The following ZNF804B variants were observed in gnomAD, a reference collection of about 807,000 sequenced individuals.
ZNF804B encodes zinc finger 804B.
In ZNF804B, 80 loss-of-function variants were observed where a neutral mutation model predicts 101.4. The observed-to-expected ratio is 0.79, with a 90% CI of 0.66 to 0.95. The LOEUF is 0.95. Among genes scored for constraint, ZNF804B ranks in the 40% least tolerant of loss-of-function variants. The pLI is 0.00. For synonymous variants in ZNF804B, 622 were observed against 558.8 expected, an observed-to-expected ratio of 1.11 and a Z score of -1.59; for missense variants, 1,673 against 1,561.9, an observed-to-expected ratio of 1.07 and a Z score of -1.20.
intron 1 of ZNF804B, among the ~76,000 whole-genome samples, chr7:89,061,614 G>C (rs552352718): frequency 6.6e-6 from 1 of 152,022 alleles, no homozygotes; most frequent in South Asian, 2.1e-4. Context: ...AGTTCTAACC[G>C]TGTCATATCC....
At chr7:89,151,478 C>T (rs1305040791) in intron 1 of ZNF804B, among the ~76,000 whole-genome samples, 1 of 151,988 alleles carries the variant, frequency 6.6e-6, no homozygotes, top group Non-Finnish European at 1.5e-5. Context: ...ACTTAATCAT[C>T]AACGTAGAAT....
chr7:88,977,920 G>GTTT (rs2116126012), intron 1 of ZNF804B, among the ~76,000 whole-genome samples: 1 of 150,988 alleles, frequency 6.6e-6, no homozygotes, highest in South Asian at 2.1e-4. Context: ...TAGATTTTGT[G>GTTT]TGTTGTGTTT....
intron 1 of ZNF804B, among the ~76,000 whole-genome samples, chr7:89,096,077 CCCAG>C (rs1434080503): frequency 6.6e-6 from 1 of 151,008 alleles, no homozygotes; most frequent in African/African-American, 2.4e-5. Context: ...ATGGCGTGAA[CCCAG>C]GAGGCGGAGC....
At chr7:89,155,992 C>CTTCT (rs139417272) in intron 1 of ZNF804B, among the ~76,000 whole-genome samples, 19,482 of 130,736 alleles carry the variant, frequency 0.15, 2,139 homozygotes, top group East Asian at 0.55. Flanking sequence ...CCTTCCTTTC[C>CTTCT]TTCTTTCTTT....
At chr7:89,007,706 T>C (rs1584068293) in intron 1 of ZNF804B, among the ~76,000 whole-genome samples, 1 of 149,610 alleles carries the variant, frequency 6.7e-6, no homozygotes, top group Middle Eastern at 3.6e-3. Flanking sequence ...CTGTCTTATG[T>C]TGACAGCATG....
intron 1 of ZNF804B, among the ~76,000 whole-genome samples, chr7:88,954,081 T>A (rs17374213): frequency 0.097 from 14,795 of 151,756 alleles, 902 homozygotes; most frequent in South Asian, 0.17. Flanking sequence ...CATTTGAAAG[T>A]TTGACTGATT....
At chr7:89,096,179 A>T (rs920093382) in intron 1 of ZNF804B, among the ~76,000 whole-genome samples, 1 of 151,164 alleles carries the variant, frequency 6.6e-6, no homozygotes, top group African/African-American at 2.4e-5. Context: ...AAAGAAAATC[A>T]GTACCTCAGC....
chr7:88,954,358 A>T (rs1191997946), intron 1 of ZNF804B, among the ~76,000 whole-genome samples: 1 of 151,734 alleles, frequency 6.6e-6, no homozygotes, highest in Non-Finnish European at 1.5e-5. Flanking sequence ...CTCTTAAAAT[A>T]ATTGAGGGTA....
chr7:89,245,353 T>C (rs902920553), intron 2 of ZNF804B, among the ~76,000 whole-genome samples: 1 of 152,164 alleles, frequency 6.6e-6, no homozygotes, highest in African/African-American at 2.4e-5. Flanking sequence ...TTTCACAGAA[T>C]TTCTCACAGA....
chr7:88,908,357 C>T (rs1286240544), intron 1 of ZNF804B, among the ~76,000 whole-genome samples: 1 of 151,244 alleles, frequency 6.6e-6, no homozygotes, highest in East Asian at 1.9e-4. Context: ...TAGTTACTCC[C>T]AGAAAAATAA....
At chr7:88,770,060 C>A (rs547579784) in intron 1 of ZNF804B, among the ~76,000 whole-genome samples, 1 of 152,208 alleles carries the variant, frequency 6.6e-6, no homozygotes, top group South Asian at 2.1e-4. Flanking sequence ...TAGTTAAATT[C>A]TTTGCCTTAT....
At chr7:89,206,118 C>G (rs1405339213) in intron 1 of ZNF804B, among the ~76,000 whole-genome samples, 2 of 152,216 alleles carry the variant, frequency 1.3e-5, no homozygotes, top group Admixed American at 6.5e-5. Context: ...GCTGGAGCAG[C>G]TGGGACACAA....
chr7:88,882,221 GCAGA>G (rs1792053143), intron 1 of ZNF804B, among the ~76,000 whole-genome samples: 2 of 151,958 alleles, frequency 1.3e-5, no homozygotes, highest in Admixed American at 6.6e-5. Flanking sequence ...AAGAACATGA[GCAGA>G]CACTTTTCAA....
chr7:89,180,030 C>A (rs1788273402), intron 1 of ZNF804B, among the ~76,000 whole-genome samples: 2 of 152,236 alleles, frequency 1.3e-5, no homozygotes, highest in Non-Finnish European at 2.9e-5. Context: ...TGCTATCCTG[C>A]CTGGAGTTTG....
intron 1 of ZNF804B, among the ~76,000 whole-genome samples, chr7:89,170,617 C>G (rs1791208561): frequency 6.6e-6 from 1 of 152,198 alleles, no homozygotes; most frequent in Non-Finnish European, 1.5e-5. Flanking sequence ...CAATCTCTTA[C>G]TGAGGCTGAA....
chr7:88,826,042 C>T (rs754171467), intron 1 of ZNF804B, among the ~76,000 whole-genome samples: 1 of 152,112 alleles, frequency 6.6e-6, no homozygotes, highest in Non-Finnish European at 1.5e-5. Flanking sequence ...TCTGATAACA[C>T]AGGTGATTCA....
chr7:88,845,279 G>A (rs917119238), intron 1 of ZNF804B, among the ~76,000 whole-genome samples: 11 of 133,746 alleles, frequency 8.2e-5, no homozygotes, highest in East Asian at 2.4e-4. Context: ...GCATGTGTGC[G>A]CACGCGCGCG....
chr7:88,981,367 C>T (rs1189874461), intron 1 of ZNF804B, among the ~76,000 whole-genome samples: 1 of 152,040 alleles, frequency 6.6e-6, no homozygotes, highest in African/African-American at 2.4e-5. Context: ...GAGCTATTAT[C>T]TAAGTTCCAA....
intron 2 of ZNF804B, among the ~76,000 whole-genome samples, chr7:89,289,153 G>GTA (rs2115891973): frequency 1.3e-5 from 1 of 78,826 alleles, no homozygotes; most frequent in African/African-American, 5.3e-5. Context: ...TATTACAATG[G>GTA]TAAGAAATGA....
Sources: allele counts gnomAD v4.1 joint callset (sites outside exome capture counted in the v4.1 genomes callset), GRCh38; gene constraint gnomAD v4.1.1; transcripts MANE v1.5; gene names NCBI Gene and HGNC (gene_info 2026-07-23, HGNC 2026-07-21).